The following CDK5RAP2 variants were observed in gnomAD, a reference collection of about 807,000 sequenced individuals.
CDK5RAP2 encodes CDK5 regulatory subunit associated protein 2, also known as CDK5 regulatory subunit-associated protein 2.
A neutral mutation model predicts 232.9 loss-of-function variants in CDK5RAP2; 147 were observed. The observed-to-expected ratio is 0.63, with a 90% confidence interval of 0.55 to 0.72. CDK5RAP2 has a LOEUF of 0.72. Ranked by LOEUF, CDK5RAP2 falls within the 30% of genes least tolerant of loss-of-function variation. The probability of loss-of-function intolerance (pLI) is 0.00; values close to 1 mark genes in which losing one functional copy is unlikely to be tolerated. For synonymous variants in CDK5RAP2, 833 were observed against 833.7 expected (o/e 1.00, Z 0.01); for missense variants, 2,195 against 2,231.5 (o/e 0.98, Z 0.33).
intron 12 of CDK5RAP2, among the ~76,000 whole-genome samples, chr9:120,502,844 C>A (rs2039637822): frequency 6.7e-6 from 1 of 150,048 alleles, no homozygotes. Flanking sequence ...TAGACCGCTT[C>A]TCTTATTTTA....
intron 3 of CDK5RAP2, among the ~76,000 whole-genome samples, chr9:120,558,162 CAA>C (rs1296513546): frequency 1.4e-5 from 2 of 147,786 alleles, no homozygotes. Flanking sequence ...ATCATGAGGT[CAA>C]GAGATCGAGA....
At position 120,389,208 on chromosome 9, in the gene CDK5RAP2, C is replaced by T. The variant is rs111988653; in HGVS notation, c.*28G>A. On this transcript the variant is annotated 3_prime_UTR_variant, in exon 38 of 38. Coordinates refer to ENST00000349780, the MANE Select transcript of CDK5RAP2 (RefSeq NM_018249.6). ...GACAGCGTGAGCTCGGTGGGGGAAG[C>T]ACAAGCTTTATTGGCTGAAAGTTCT... The T allele has an allele frequency of 6.2e-7, 1 of 1,601,138 alleles. No individual in the cohort carries two copies.
chr9:120,469,099 A>C (rs1209098795), intron 17 of CDK5RAP2, among the ~76,000 whole-genome samples: 1 of 152,144 alleles, frequency 6.6e-6, no homozygotes, highest in East Asian at 1.9e-4. Context: ...ATCTTTAAAA[A>C]CTAACAGCTG....
chr9:120,450,557 AGAG>A (rs2036430125), intron 21 of CDK5RAP2, among the ~76,000 whole-genome samples: 1 of 152,198 alleles, frequency 6.6e-6, no homozygotes, highest in Non-Finnish European at 1.5e-5. Context: ...TTTAAATAGC[AGAG>A]GAGAAGGAAC....
chr9:120,518,572 G>C lies in CDK5RAP2; in HGVS notation c.1166C>G (p.Thr389Ser). 6.2e-7 allele frequency: 1 copy of C among 1,613,652 alleles called. No homozygotes were observed. The highest frequency in any genetic ancestry group is 8.5e-7 in the Non-Finnish European group (1 of 1,179,966). Residue 389 changes from threonine (T) to serine (S), a missense_variant, in exon 12 of 38, where the codon ACC (threonine) becomes AGC (serine). Thr to Ser is a moderately conservative substitution (Grantham distance 58). Coordinates refer to ENST00000349780, the MANE Select transcript of CDK5RAP2 (RefSeq NM_018249.6). ...CAGTCTGTGGTTCTCTGTACTCTTGGTGAGGTTTTGTGAGCGCAGCGCAGC... is the reference window on the plus strand; with the variant it reads ...CAGTCTGTGGTTCTCTGTACTCTTGCTGAGGTTTTGTGAGCGCAGCGCAGC... ...LSAALRSQNL[T>S]KSTENHRLRR...
chr9:120,518,379 G>T, intron 12 of CDK5RAP2, 48 bp downstream of exon 12: 1 of 1,488,568 alleles, frequency 6.7e-7, no homozygotes, highest in Non-Finnish European at 9.4e-7. Flanking sequence ...CAGCCACATA[G>T]CCCCAAAAGC....
intron 13 of CDK5RAP2, among the ~76,000 whole-genome samples, chr9:120,488,537 G>C (rs898043000): frequency 6.6e-6 from 1 of 152,070 alleles, no homozygotes; most frequent in Admixed American, 6.5e-5. Flanking sequence ...CAACTCTTTA[G>C]CTATTTCTTC....
At chr9:120,415,009 T>G (rs753644676) in intron 28 of CDK5RAP2, 31 bp downstream of exon 28, 16 of 1,613,194 alleles carry the variant, frequency 9.9e-6, no homozygotes, top group African/African-American at 1.3e-5. Context: ...CTCACAGACA[T>G]GTACAGTCCT....
intron 3 of CDK5RAP2, among the ~76,000 whole-genome samples, chr9:120,557,180 C>A (rs185155059): frequency 2.0e-5 from 3 of 152,302 alleles, no homozygotes; most frequent in South Asian, 2.1e-4. Flanking sequence ...AAATGAAATA[C>A]AAGCACCATC....
At chr9:120,551,262 T>C (rs544238931) in intron 3 of CDK5RAP2, among the ~76,000 whole-genome samples, 1 of 152,250 alleles carries the variant, frequency 6.6e-6, no homozygotes, top group Non-Finnish European at 1.5e-5. Context: ...AAATCACTAT[T>C]TTAAAACCTC....
chr9:120,433,746 A>G (rs1436382486), intron 25 of CDK5RAP2, among the ~76,000 whole-genome samples: 1 of 152,232 alleles, frequency 6.6e-6, no homozygotes, highest in Non-Finnish European at 1.5e-5. Context: ...CTCTAGTAGG[A>G]AAAGTTTTTT....
intron 21 of CDK5RAP2, among the ~76,000 whole-genome samples, chr9:120,452,320 TG>T (rs975479782): frequency 6.6e-6 from 1 of 152,092 alleles, no homozygotes; most frequent in African/African-American, 2.4e-5. Context: ...ATTACAGTTT[TG>T]GTGCATAATT....
chr9:120,395,327 A>T (rs1031023275), intron 35 of CDK5RAP2, among the ~76,000 whole-genome samples: 7 of 152,254 alleles, frequency 4.6e-5, no homozygotes, highest in African/African-American at 1.7e-4. Flanking sequence ...TTTCTTTTAC[A>T]AAAACTATAA....
At position 120,409,060 on chromosome 9, in the gene CDK5RAP2, A is replaced by G. The variant is rs1440264061; in HGVS notation, c.4604+67T>C. 4 of 1,504,652 alleles carry G rather than the reference A, an allele frequency of 2.7e-6. No individual in the cohort carries two copies. The Admixed American group carries it at 6.7e-5, about 25-fold the overall frequency. 93.2% of individuals were successfully genotyped at this position (1,504,652 alleles called of 1,614,324 possible). A position where few individuals can be genotyped will look rare whatever the true frequency, so the allele number is the denominator to read the frequency against. ...AGGCAGAGGCCTGCGTGCTGATTCCACGACTGCAGCCCAGTGCCTGCATGC... is the reference window on the plus strand; with the variant it reads ...AGGCAGAGGCCTGCGTGCTGATTCCGCGACTGCAGCCCAGTGCCTGCATGC... On this transcript the variant is annotated intron_variant, in intron 30 of 37. Coordinates refer to ENST00000349780, the MANE Select transcript of CDK5RAP2 (RefSeq NM_018249.6).
intron 6 of CDK5RAP2, among the ~76,000 whole-genome samples, chr9:120,537,209 ACTTG>A (rs746437476): frequency 7.9e-5 from 12 of 152,112 alleles, no homozygotes; most frequent in Non-Finnish European, 1.5e-4. Context: ...TCTCCCACAT[ACTTG>A]CTGTGTGACC....
chr9:120,463,804 C>T (rs1230502157), intron 18 of CDK5RAP2, among the ~76,000 whole-genome samples: 6 of 152,172 alleles, frequency 3.9e-5, no homozygotes, highest in African/African-American at 1.2e-4. Flanking sequence ...AGTAAACTCT[C>T]GGTTTCCAGG....
intron 7 of CDK5RAP2, 137 bp downstream of exon 7, chr9:120,536,235 C>T (rs1223803112): frequency 4.6e-6 from 4 of 874,640 alleles, no homozygotes; most frequent in Non-Finnish European, 7.4e-6. Context: ...CTGTGTTGGA[C>T]TTGTTCCCAT....
intron 4 of CDK5RAP2, among the ~76,000 whole-genome samples, chr9:120,547,269 C>T (rs541549034): frequency 1.3e-5 from 2 of 152,080 alleles, no homozygotes; most frequent in South Asian, 2.1e-4. Context: ...GGATTACAGG[C>T]GTGAGCCACC....
intron 3 of CDK5RAP2, among the ~76,000 whole-genome samples, chr9:120,567,446 T>C (rs2042687783): frequency 6.6e-6 from 1 of 152,234 alleles, no homozygotes; most frequent in Non-Finnish European, 1.5e-5. Context: ...CTGTTAAGTA[T>C]CTCTTGTGTC....
Sources: allele counts gnomAD v4.1 joint callset (sites outside exome capture counted in the v4.1 genomes callset), GRCh38; gene constraint gnomAD v4.1.1; transcripts MANE v1.5; gene names NCBI Gene and HGNC (gene_info 2026-07-23, HGNC 2026-07-21).